The following PTPRG variants were observed in gnomAD, a reference collection of about 807,000 sequenced individuals.
The protein encoded by PTPRG is receptor-type tyrosine-protein phosphatase gamma.
PTPRG carries 102 observed loss-of-function variants against 165.3 expected under a neutral mutation model. The observed-to-expected ratio is 0.62, with a 90% confidence interval of 0.53 to 0.73. PTPRG has a LOEUF of 0.73. PTPRG is among the 30% of genes least tolerant of loss of function. The pLI is 0.00. For missense variants in PTPRG, 1,866 were observed against 1,861.4 expected (o/e 1.00, Z -0.05); for synonymous variants, 675 against 669.5 (o/e 1.01, Z -0.13).
At chr3:61,978,116 T>C (rs1202698295) in intron 2 of PTPRG, among the ~76,000 whole-genome samples, 1 of 152,212 alleles carries the variant, frequency 6.6e-6, no homozygotes, top group Non-Finnish European at 1.5e-5. Context: ...CCTCCCAAAG[T>C]GCTGGGATTA....
chr3:61,562,191 G>T lies in PTPRG; in HGVS notation c.-97G>T. ...GGGGCCCGTGGAGCGGGCGAGCCGG[G>T]GAAGCGCCCCGGCTTAGCGGAGGCT... is the stretch of plus-strand genomic sequence containing the variant. On this transcript the variant is annotated 5_prime_UTR_variant, in exon 1 of 30. Transcript: ENST00000474889. The T allele has an allele frequency of 8.5e-7, 1 of 1,179,794 alleles. No individual in the cohort carries two copies. The highest frequency in any genetic ancestry group is 1.3e-6 in the Non-Finnish European group (1 of 798,078). The allele number at this position is 1,179,794 out of a possible 1,614,324, so 73.1% of individuals were successfully genotyped here.
intron 17 of PTPRG, chr3:62,264,143 C>T (rs1329437443): frequency 6.9e-6 from 1 of 145,856 alleles, no homozygotes; most frequent in Middle Eastern, 3.7e-3. Flanking sequence ...GAGACTCCAT[C>T]TGAAAAAAAA....
chr3:62,147,762 A>G (rs759161512), intron 6 of PTPRG, among the ~76,000 whole-genome samples: 28 of 152,190 alleles, frequency 1.8e-4, no homozygotes, highest in Admixed American at 5.9e-4. Flanking sequence ...GCTGCTGGAT[A>G]TATGTACAGG....
intron 2 of PTPRG, among the ~76,000 whole-genome samples, chr3:61,977,916 A>C (rs747958640): frequency 2.0e-5 from 3 of 152,230 alleles, no homozygotes; most frequent in Non-Finnish European, 4.4e-5. Flanking sequence ...GAGGTCTTTT[A>C]ATTTGAGTTT....
At chr3:61,752,648 T>C (rs558824407) in intron 2 of PTPRG, among the ~76,000 whole-genome samples, 36 of 151,720 alleles carry the variant, frequency 2.4e-4, no homozygotes, top group African/African-American at 8.7e-4. Context: ...TAGCTGGGTG[T>C]GGTGGCGGGC....
intron 2 of PTPRG, among the ~76,000 whole-genome samples, chr3:61,804,152 T>C (rs1001725206): frequency 6.6e-6 from 1 of 152,252 alleles, no homozygotes; most frequent in African/African-American, 2.4e-5. Flanking sequence ...ATTGGTTTTC[T>C]AGCATATTTC....
chr3:61,970,456 G>A (rs1430943012), intron 2 of PTPRG, among the ~76,000 whole-genome samples: 2 of 152,180 alleles, frequency 1.3e-5, no homozygotes, highest in East Asian at 1.9e-4. Context: ...AGTTGTAGAA[G>A]CTAATTTAAT....
At chr3:61,694,008 C>CA (rs1163062978) in intron 1 of PTPRG, among the ~76,000 whole-genome samples, 4,101 of 65,186 alleles carry the variant, frequency 0.063, 111 homozygotes, top group African/African-American at 0.078. Context: ...ACTCCATCTC[C>CA]AAAAAAAAAA....
intron 5 of PTPRG, among the ~76,000 whole-genome samples, chr3:62,080,531 G>C (rs1701535768): frequency 6.6e-6 from 1 of 152,060 alleles, no homozygotes; most frequent in South Asian, 2.1e-4. Context: ...CTCTGCTCCT[G>C]TGGCCCTGCC....
At chr3:61,817,609 T>C (rs750915348) in intron 2 of PTPRG, among the ~76,000 whole-genome samples, 8 of 152,096 alleles carry the variant, frequency 5.3e-5, no homozygotes, top group Non-Finnish European at 1.2e-4. Context: ...TCTCAGAATA[T>C]GTGTGGATGG....
At chr3:61,968,784 T>C (rs1334730477) in intron 2 of PTPRG, among the ~76,000 whole-genome samples, 1 of 152,178 alleles carries the variant, frequency 6.6e-6, no homozygotes, top group Non-Finnish European at 1.5e-5. Flanking sequence ...GAGGATGATC[T>C]TGATGATATC....
At chr3:61,886,941 T>G (rs2038053257) in intron 2 of PTPRG, among the ~76,000 whole-genome samples, 1 of 151,142 alleles carries the variant, frequency 6.6e-6, no homozygotes, top group African/African-American at 2.4e-5. Context: ...AAGCTTTGAT[T>G]AGGGACGAGG....
At chr3:61,667,628 A>G (rs1162193725) in intron 1 of PTPRG, among the ~76,000 whole-genome samples, 1 of 152,082 alleles carries the variant, frequency 6.6e-6, no homozygotes, top group African/African-American at 2.4e-5. Flanking sequence ...GGCAAAGTCG[A>G]CTGCCCAGAA....
chr3:61,705,137 A>T (rs1013395449), intron 1 of PTPRG, among the ~76,000 whole-genome samples: 1 of 152,222 alleles, frequency 6.6e-6, no homozygotes, highest in African/African-American at 2.4e-5. Context: ...GTATTTGCTT[A>T]TCACCTGTTA....
At position 61,768,169 on chromosome 3, in the gene PTPRG, CAG is replaced by C. The variant is rs1054097190; in HGVS notation, c.190+19192_190+19193del. 3.3e-5 allele frequency among the ~76,000 whole-genome samples: 5 copies of C among 152,022 alleles called. No individual in the cohort carries two copies. In the South Asian group the frequency reaches 6.2e-4, roughly 19 times the overall value. ...TTATGGTCTTTGAATTTGATCAAGACAGAGAGTTATTCATCAAAAAGCCACTA... is the reference window on the plus strand; with the variant it reads ...TTATGGTCTTTGAATTTGATCAAGACAGAGTTATTCATCAAAAAGCCACTA... On this transcript the variant is annotated intron_variant, in intron 2 of 29. Coordinates refer to ENST00000474889, the MANE Select transcript of PTPRG (RefSeq NM_002841.4).
intron 12 of PTPRG, among the ~76,000 whole-genome samples, chr3:62,215,578 C>T: frequency 7.7e-6 from 1 of 129,598 alleles, no homozygotes; most frequent in South Asian, 2.9e-4. Context: ...TACACACTTT[C>T]ACCAAATGTT....
intron 3 of PTPRG, among the ~76,000 whole-genome samples, chr3:62,000,460 A>G (rs2041146235): frequency 6.6e-6 from 1 of 152,194 alleles, no homozygotes; most frequent in South Asian, 2.1e-4. Flanking sequence ...ATGTGGGAAA[A>G]GACATCCAGA....
chr3:62,055,232 C>T (rs1486460462), intron 4 of PTPRG, among the ~76,000 whole-genome samples: 1 of 152,144 alleles, frequency 6.6e-6, no homozygotes, highest in Middle Eastern at 3.2e-3. Flanking sequence ...TATTATTATA[C>T]CATTATACTC....
chr3:61,711,260 G>A (rs1186527555), intron 1 of PTPRG, among the ~76,000 whole-genome samples: 1 of 152,170 alleles, frequency 6.6e-6, no homozygotes, highest in Non-Finnish European at 1.5e-5. Context: ...ATAGTAGAAT[G>A]ATTTATCATC....
Sources: allele counts gnomAD v4.1 joint callset (sites outside exome capture counted in the v4.1 genomes callset), GRCh38; gene constraint gnomAD v4.1.1; transcripts MANE v1.5; gene names NCBI Gene and HGNC (gene_info 2026-07-23, HGNC 2026-07-21).